Variants in ATP6V0A4 observed in about 807,000 individuals in gnomAD.
ATP6V0A4 encodes the protein ATPase H+ transporting V0 subunit a4.
A neutral mutation model predicts 107.3 loss-of-function variants in ATP6V0A4; 86 were observed. The observed-to-expected ratio is 0.80, with a 90% CI of 0.67 to 0.96. ATP6V0A4 has a LOEUF of 0.96. Ranked by LOEUF, ATP6V0A4 falls within the 40% of genes least tolerant of loss-of-function variation. The pLI is 0.00. For missense variants in ATP6V0A4, 908 were observed against 1,045.6 expected (o/e 0.87, Z 1.81); for synonymous variants, 353 against 381.4 (o/e 0.93, Z 0.87).
chr7:138,718,139 C>T (rs1417573878), intron 19 of ATP6V0A4, among the ~76,000 whole-genome samples: 61 of 30,650 alleles, frequency 2.0e-3, no homozygotes, highest in African/African-American at 2.0e-3. Context: ...AGGGAGACGT[C>T]CAGGAAGGAA....
chr7:138,784,214 T>TTA (rs1211079839), intron 2 of ATP6V0A4, among the ~76,000 whole-genome samples: 4,653 of 83,444 alleles, frequency 0.056, 179 homozygotes, highest in African/African-American at 0.13. Context: ...TCCTTAAACA[T>TTA]TATATATATA....
In ATP6V0A4 at chr7:138,749,225, A is replaced by C; in HGVS notation, c.1122T>G (p.Ala374=). ...PTFNRTNKFT[A]GFQNIVDAYG... ...AGGCATCAACAATATTCTGGAAGCCAGCTGTGAATTTATTGGTCCTGTTAA... is the reference window on the plus strand; with the variant it reads ...AGGCATCAACAATATTCTGGAAGCCCGCTGTGAATTTATTGGTCCTGTTAA... The change falls in exon 12 of 22, where the codon GCT becomes GCG. Residue 374 remains alanine, a synonymous_variant. Coordinates refer to ENST00000310018, the MANE Select transcript of ATP6V0A4 (RefSeq NM_020632.3). 1.2e-6 allele frequency: 2 copies of C among 1,612,264 alleles called. No homozygotes were observed.
At chr7:138,708,450 A>T (rs1803564405) in intron 21 of ATP6V0A4, among the ~76,000 whole-genome samples, 1 of 152,164 alleles carries the variant, frequency 6.6e-6, no homozygotes, top group Non-Finnish European at 1.5e-5. Flanking sequence ...CTCCTCACTC[A>T]GTACATGAAG....
intron 13 of ATP6V0A4, among the ~76,000 whole-genome samples, chr7:138,747,054 A>G (rs982459954): frequency 1.3e-5 from 2 of 152,222 alleles, no homozygotes; most frequent in African/African-American, 4.8e-5. Context: ...CAAATTGGAA[A>G]GATATCCAAA....
intron 14 of ATP6V0A4, among the ~76,000 whole-genome samples, chr7:138,739,911 G>A (rs1384929084): frequency 6.6e-6 from 1 of 152,116 alleles, no homozygotes; most frequent in African/African-American, 2.4e-5. Flanking sequence ...GGGAGCCTGA[G>A]GTGGGAGGAT....
rs1554398840 is a variant in ATP6V0A4, at chr7:138,760,460, A to AAAAAG, written c.513-587_513-583dup. ...ACTCTGTCTCAAAAAAAAAAAAAAA[A>AAAAAG]AAAAGAATATGATAGACCATTCATC... On this transcript the variant is annotated intron_variant, in intron 7 of 21. Coordinates refer to ENST00000310018, the MANE Select transcript of ATP6V0A4 (RefSeq NM_020632.3). Among the ~76,000 whole-genome samples the AAAAAG allele has an allele frequency of 9.3e-4, 135 of 145,008 alleles. 2 individuals carry two copies. The highest frequency in any genetic ancestry group is 2.7e-3 in the African/African-American group (102 of 38,330).
chr7:138,765,320 G>T (rs919291745), intron 5 of ATP6V0A4, among the ~76,000 whole-genome samples: 1 of 152,124 alleles, frequency 6.6e-6, no homozygotes, highest in African/African-American at 2.4e-5. Context: ...ATGACACAAA[G>T]TTGGGGGGAA....
chr7:138,785,488 G>A (rs1355583964), intron 2 of ATP6V0A4, among the ~76,000 whole-genome samples: 1 of 151,854 alleles, frequency 6.6e-6, no homozygotes, highest in Non-Finnish European at 1.5e-5. Context: ...TGTTGGCCAG[G>A]CTGGTCTTGA....
chr7:138,731,901 AAAATAAATAAATAAATAAAT>A (rs59314409), intron 17 of ATP6V0A4, among the ~76,000 whole-genome samples: 13 of 146,708 alleles, frequency 8.9e-5, no homozygotes, highest in African/African-American at 2.8e-4. Flanking sequence ...TCCAAAAATA[AAAATAAATAAATAAATAAAT>A]AAATAAATAA....
At chr7:138,717,071 G>A (rs1017848406) in intron 19 of ATP6V0A4, among the ~76,000 whole-genome samples, 1 of 152,216 alleles carries the variant, frequency 6.6e-6, no homozygotes, top group African/African-American at 2.4e-5. Context: ...GTAGCTGGAA[G>A]AATGACATTG....
At position 138,706,450 on chromosome 7, in the gene ATP6V0A4, C is replaced by A; in HGVS notation, c.*174G>T. On this transcript the variant is annotated 3_prime_UTR_variant, in exon 22 of 22. Transcript: ENST00000310018. ...TCACTTGCCAAAGTCCTTCCTCTGA[C>A]GTGGTTAAGTCGTATCAAATCCACA... The A allele has an allele frequency of 1.4e-6, 1 of 736,772 alleles. No individual in the cohort carries two copies. Among genetic ancestry groups the A allele is most frequent in the Non-Finnish European group, 2.3e-6 (1 of 438,724 alleles). 45.6% of individuals were successfully genotyped at this position (736,772 alleles called of 1,614,324 possible).
chr7:138,785,868 G>A (rs1186128435), intron 2 of ATP6V0A4, among the ~76,000 whole-genome samples: 1 of 152,132 alleles, frequency 6.6e-6, no homozygotes, highest in East Asian at 1.9e-4. Flanking sequence ...GATCATCCCT[G>A]CCATGCACAT....
At chr7:138,792,769 T>TTTTG (rs1563025263) in intron 1 of ATP6V0A4, among the ~76,000 whole-genome samples, 13 of 80,368 alleles carry the variant, frequency 1.6e-4, no homozygotes, top group African/African-American at 3.0e-4. Flanking sequence ...CAGGTTTGTT[T>TTTTG]TTTTTTTTGT....
chr7:138,772,365 A>C (rs1807437639), intron 2 of ATP6V0A4, among the ~76,000 whole-genome samples: 1 of 152,222 alleles, frequency 6.6e-6, no homozygotes, highest in South Asian at 2.1e-4. Context: ...GGAATGATTA[A>C]ATAAACTGTG....
intron 19 of ATP6V0A4, among the ~76,000 whole-genome samples, chr7:138,720,127 C>G (rs1183469693): frequency 2.0e-5 from 3 of 152,120 alleles, no homozygotes; most frequent in Admixed American, 1.3e-4. Context: ...GTATAGTCAG[C>G]TTGCCTGAAG....
In ATP6V0A4 at chr7:138,762,172, G is replaced by A. The variant is rs562600497; in HGVS notation, c.512+168C>T. ...CTAACAAGAAGCTGACACCACTTCC[G>A]ACTCCACCAACCTAGTAAGTTACAT... is the stretch of plus-strand genomic sequence containing the variant. On this transcript the variant is annotated intron_variant, in intron 7 of 21. Coordinates refer to ENST00000310018, the MANE Select transcript of ATP6V0A4 (RefSeq NM_020632.3). Among the ~76,000 whole-genome samples the A allele has an allele frequency of 2.0e-4, 31 of 152,182 alleles. No homozygotes were observed. In the East Asian group the frequency reaches 4.1e-3, roughly 20 times the overall value.
Position 138,715,157 on chromosome 7 carries a change from T to C in ATP6V0A4, c.2257+607A>G, listed in dbSNP as rs553132118. ...TGCCCACGCCTTGATTTTAGGACTC[T>C]GGCTTCAAAAACTGGAAGACACCAA... On this transcript the variant is annotated intron_variant, in intron 20 of 21. Transcript: ENST00000310018. Among the ~76,000 whole-genome samples the C allele has an allele frequency of 7.2e-5, 11 of 152,354 alleles. No individual in the cohort carries two copies. In the South Asian group the frequency reaches 1.9e-3, roughly 26 times the overall value.
At chr7:138,791,765 GACAA>G (rs957373212) in intron 1 of ATP6V0A4, among the ~76,000 whole-genome samples, 27 of 152,172 alleles carry the variant, frequency 1.8e-4, no homozygotes, top group African/African-American at 6.0e-4. Flanking sequence ...AACATATCCA[GACAA>G]ACAAAGTAAC....
chr7:138,754,104 G>A (rs755624960), intron 10 of ATP6V0A4, among the ~76,000 whole-genome samples: 5 of 152,066 alleles, frequency 3.3e-5, no homozygotes, highest in African/African-American at 1.2e-4. Flanking sequence ...CAATGGCTTT[G>A]GGGAAACAGT....
Sources: gnomAD v4.1 joint callset for allele counts (sites outside exome capture counted in the v4.1 genomes callset) on GRCh38, gnomAD v4.1.1 for gene constraint, MANE v1.5 for transcripts, NCBI Gene and HGNC (gene_info 2026-07-23, HGNC 2026-07-21) for gene names.